MAP3K4: variants seen among roughly 807,000 people sequenced by gnomAD.
The protein encoded by MAP3K4 is mitogen-activated protein kinase kinase kinase 4, also known as MAP three kinase 1.
MAP3K4 carries 67 observed loss-of-function variants against 185.6 expected under a neutral mutation model. The ratio of observed to expected loss-of-function variants is 0.36; its 90% CI spans 0.30 to 0.44. MAP3K4 has a LOEUF of 0.44. MAP3K4 is among the 20% of genes least tolerant of loss of function. MAP3K4 has a pLI of 1.00. For missense variants in MAP3K4, 1,551 were observed against 1,995.1 expected (o/e 0.78, Z 4.24); for synonymous variants, 702 against 710.4 (o/e 0.99, Z 0.19).
At chr6:161,027,744 A>G (rs1782741401) in intron 1 of MAP3K4, among the ~76,000 whole-genome samples, 1 of 152,262 alleles carries the variant, frequency 6.6e-6, no homozygotes, top group South Asian at 2.1e-4. Flanking sequence ...TGGCAGTTAC[A>G]TATTACAGTT....
At position 161,084,589 on chromosome 6, in the gene MAP3K4, G is replaced by A; in HGVS notation, c.2344G>A (p.Asp782Asn). ...ESCAEFWTSA[D>N]DSSASDEIRR... ...CTGTGCTGAATTTTGGACTAGTGCG[G>A]ATGACAGCAGTGCTTCCGACGAAAT... The change falls in exon 7 of 27, where the codon GAT becomes AAT. Residue 782 changes from aspartate to asparagine, a missense_variant. By Grantham distance (23) the Asp-to-Asn change is conservative. Around this residue, in one of 16 missense-constraint regions of MAP3K4, gnomAD observed 130 missense variants for 171.3 expected, o/e 0.76. Transcript: ENST00000392142. This position sits in a 1 kb window ranked among gnomAD's most constrained non-coding sequence, Gnocchi z 4.6. The A allele has an allele frequency of 1.2e-6, 2 of 1,610,004 alleles. No individual in the cohort carries two copies. The highest frequency in any genetic ancestry group is 1.7e-6 in the Non-Finnish European group (2 of 1,176,280).
In MAP3K4 at chr6:161,108,882, C is replaced by G. The variant is rs542479350; in HGVS notation, c.4236+23C>G. On this transcript the variant is annotated intron_variant, in intron 22 of 26. Coordinates refer to ENST00000392142, the MANE Select transcript of MAP3K4 (RefSeq NM_005922.4). This position sits in a 1 kb window ranked among gnomAD's most constrained non-coding sequence, Gnocchi z 5.7. ...AGAGTAAGCCGACCCTAATGCCACT[C>G]TTTGTGTGAGGAATCAGTGAGGGCA... 2.5e-6 allele frequency: 4 copies of G among 1,599,962 alleles called. No individual in the cohort carries two copies. The highest frequency in any genetic ancestry group is 8.6e-7 in the Non-Finnish European group (1 of 1,167,214).
At chr6:161,099,269 A>G (rs773479854) in intron 17 of MAP3K4, among the ~76,000 whole-genome samples, 1 of 152,244 alleles carries the variant, frequency 6.6e-6, no homozygotes, top group Non-Finnish European at 1.5e-5. Context: ...AGGAGAAAAT[A>G]GTAGAGTTAA....
rs772221201 is a variant in MAP3K4, at chr6:161,114,409, T to C, written c.4627-714T>C. Among the ~76,000 whole-genome samples the C allele has an allele frequency of 3.2e-4, 48 of 152,366 alleles. No individual in the cohort carries two copies. The highest frequency in any genetic ancestry group is 3.4e-3 in the Middle Eastern group (1 of 294). On this transcript the variant is annotated intron_variant, in intron 25 of 26. Transcript: ENST00000392142. The surrounding 1 kb of genome is among the most constrained non-coding windows in gnomAD (Gnocchi z 4.3). The stretch of plus-strand genomic sequence containing the variant: ...CTAGTAGGAAATCAGTTAATTATAA[T>C]GTAGCTATGCCTTGCAGCTGCTGAA...
chr6:161,098,539 G>A lies in MAP3K4; in HGVS notation c.3674+112G>A, dbSNP rs535548930. On this transcript the variant is annotated intron_variant, in intron 17 of 26. Coordinates refer to ENST00000392142, the MANE Select transcript of MAP3K4 (RefSeq NM_005922.4). This position sits in a 1 kb window ranked among gnomAD's most constrained non-coding sequence, Gnocchi z 4.4. The stretch of plus-strand genomic sequence containing the variant: ...TGTGGTTGGGCTTCTTTGCTGTGGC[G>A]TGTGAGTGATGCTCTAGGGCCTTCC... 52 of 1,322,060 alleles carry A rather than the reference G, an allele frequency of 3.9e-5. No homozygotes were observed. Among genetic ancestry groups the A allele is most frequent in the East Asian group, 7.4e-5 (3 of 40,590 alleles). The allele number at this position is 1,322,060 out of a possible 1,614,324, so 81.9% of individuals were successfully genotyped here.
Position 161,106,502 on chromosome 6 carries a change from T to G in MAP3K4, c.3857-12T>G, listed in dbSNP as rs113336909. 2.5e-6 allele frequency: 4 copies of G among 1,588,566 alleles called. No homozygotes were observed. The highest frequency in any genetic ancestry group is 3.4e-6 in the Non-Finnish European group (4 of 1,169,008). On this transcript the variant is annotated splice_polypyrimidine_tract_variant and intron_variant, in intron 19 of 26. Coordinates refer to ENST00000392142, the MANE Select transcript of MAP3K4 (RefSeq NM_005922.4). The surrounding 1 kb of genome is among the most constrained non-coding windows in gnomAD (Gnocchi z 4.9). ...GTGATTGGGACTAATGAGGTTTTGG[T>G]TCTCTCTGCAGATACTGCTTCTAAA...
chr6:160,998,908 C>T (rs1781137736), intron 1 of MAP3K4, among the ~76,000 whole-genome samples: 1 of 152,224 alleles, frequency 6.6e-6, no homozygotes, highest in Admixed American at 6.5e-5. Context: ...TATTTATTCA[C>T]TAGCAGGCAA....
rs1252753030 is a variant in MAP3K4 at position 161,048,856 on chromosome 6, A to G, written c.584A>G (p.Asn195Ser). The change falls in exon 3 of 27, where the codon AAT (asparagine) becomes AGT (serine). Residue 195 changes from asparagine (N) to serine (S), a missense_variant. Physicochemically the swap from Asn to Ser is conservative, Grantham distance 46. Coordinates refer to ENST00000392142, the MANE Select transcript of MAP3K4 (RefSeq NM_005922.4). The surrounding 1 kb of genome is among the most constrained non-coding windows in gnomAD (Gnocchi z 4.7). Reference protein sequence around the residue: ...NKPYLSLGCSNAKLPVSVPMP... With the variant: ...NKPYLSLGCSSAKLPVSVPMP... ...CCTTACCTCAGCCTTGGCTGTAGCA[A>G]TGCTAAGCTTCCAGTATCTGTGCCC... 4 of 1,614,082 alleles carry G rather than the reference A, an allele frequency of 2.5e-6. No homozygotes were observed. Among genetic ancestry groups the G allele is most frequent in the East Asian group, 2.2e-5 (1 of 44,896 alleles).
Position 161,101,986 on chromosome 6 carries a change from C to G in MAP3K4, c.3769C>G (p.Arg1257Gly). Residue 1257 changes from arginine (R) to glycine (G), a missense_variant, in exon 18 of 27, where the codon CGA becomes GGA. Transcript: ENST00000392142. This position sits in a 1 kb window ranked among gnomAD's most constrained non-coding sequence, Gnocchi z 5.1. ...LSRHSSPTEE[R>G]DEPAYPRGDS... is the part of the protein sequence containing the mutation. ...TCGTCACTCAAGCCCCACGGAGGAG[C>G]GAGATGGTGAGTGTTTTAAGGTGTT... 6.2e-7 allele frequency: 1 copy of G among 1,613,216 alleles called. No individual in the cohort carries two copies. The highest frequency in any genetic ancestry group is 8.5e-7 in the Non-Finnish European group (1 of 1,179,230).
chr6:161,108,655 TGGG>T lies in MAP3K4; in HGVS notation c.4120-86_4120-84del. On this transcript the variant is annotated intron_variant, in intron 21 of 26. Coordinates refer to ENST00000392142, the MANE Select transcript of MAP3K4 (RefSeq NM_005922.4). This position sits in a 1 kb window ranked among gnomAD's most constrained non-coding sequence, Gnocchi z 5.7. The stretch of plus-strand genomic sequence containing the variant: ...GACAAATCATGATTACATATATTTA[TGGG>T]GTGCAAAATGATGTTTCAGTGTATG... 2.6e-6 allele frequency: 2 copies of T among 771,462 alleles called. No individual in the cohort carries two copies. Among genetic ancestry groups the T allele is most frequent in the Admixed American group, 2.0e-5 (1 of 49,750 alleles). 47.8% of individuals were successfully genotyped at this position (771,462 alleles called of 1,614,324 possible).
chr6:161,058,375 T>TA, intron 3 of MAP3K4, among the ~76,000 whole-genome samples: 1 of 152,286 alleles, frequency 6.6e-6, no homozygotes, highest in African/African-American at 2.4e-5. Context: ...TCATTTGTCT[T>TA]ATGGCCACCC....
In MAP3K4 at chr6:161,097,156, C is replaced by A. The variant is rs1777609245; in HGVS notation, c.3504C>A (p.Ile1168=). ...HSDPPNPHLI[I]PTPEGFSTRS... Reference sequence around the variant, plus strand: ...ACCCTCCTAACCCACACCTCATTATCCCCACTCCAGAGGGATTCAGGTATT... The same window carrying A: ...ACCCTCCTAACCCACACCTCATTATACCCACTCCAGAGGGATTCAGGTATT... The change falls in exon 16 of 27, where the codon ATC becomes ATA. Residue 1168 remains isoleucine, a synonymous_variant. Transcript: ENST00000392142. The surrounding 1 kb of genome is among the most constrained non-coding windows in gnomAD (Gnocchi z 4.9). 1 of 1,613,988 alleles carries A rather than the reference C, an allele frequency of 6.2e-7. No homozygotes were observed. The highest frequency in any genetic ancestry group is 8.5e-7 in the Non-Finnish European group (1 of 1,179,980).
intron 1 of MAP3K4, among the ~76,000 whole-genome samples, chr6:161,011,753 G>A (rs1237609497): frequency 6.6e-6 from 1 of 152,172 alleles, no homozygotes; most frequent in Non-Finnish European, 1.5e-5. Context: ...AGGGAGAGCA[G>A]TTAGCCAGAC....
Position 161,049,628 on chromosome 6 carries a change from G to A in MAP3K4, c.1356G>A (p.Lys452=). The change falls in exon 3 of 27, where the codon AAG becomes AAA. Residue 452 remains lysine, a synonymous_variant. Coordinates refer to ENST00000392142, the MANE Select transcript of MAP3K4 (RefSeq NM_005922.4). The surrounding 1 kb of genome is among the most constrained non-coding windows in gnomAD (Gnocchi z 8.4). ...YEGDDTEGEL[K]ELESSTDESE... is the part of the protein sequence containing the mutation. ...GTGATGACACAGAAGGAGAATTAAA[G>A]GAGTTGGAAAGTAGTACGGATGAGA... 9 of 1,614,184 alleles carry A rather than the reference G, an allele frequency of 5.6e-6. No homozygotes were observed. The highest frequency in any genetic ancestry group is 7.6e-6 in the Non-Finnish European group (9 of 1,180,036).
At chr6:161,029,128 A>C (rs1219466130) in intron 1 of MAP3K4, among the ~76,000 whole-genome samples, 1 of 152,120 alleles carries the variant, frequency 6.6e-6, no homozygotes, top group Admixed American at 6.5e-5. Flanking sequence ...CTAATAGAGA[A>C]TAGGTGGAGG....
At chr6:161,069,944 G>A (rs1462506945) in intron 3 of MAP3K4, among the ~76,000 whole-genome samples, 1 of 152,098 alleles carries the variant, frequency 6.6e-6, no homozygotes, top group Non-Finnish European at 1.5e-5. Context: ...TATGGGGAAA[G>A]GTGTAAGGAA....
chr6:161,099,248 G>C (rs896248706), intron 17 of MAP3K4, among the ~76,000 whole-genome samples: 2 of 152,200 alleles, frequency 1.3e-5, no homozygotes, highest in African/African-American at 4.8e-5. Context: ...AGGGCTCTGT[G>C]TTCAGCCCCG....
In MAP3K4 at chr6:161,084,908, A is replaced by G. The variant is rs1448716610; in HGVS notation, c.2372+291A>G. On this transcript the variant is annotated intron_variant, in intron 7 of 26. Coordinates refer to ENST00000392142, the MANE Select transcript of MAP3K4 (RefSeq NM_005922.4). This position sits in a 1 kb window ranked among gnomAD's most constrained non-coding sequence, Gnocchi z 4.6. The stretch of plus-strand genomic sequence containing the variant: ...ACGCCTGTAATCCCAGTACTTTGGG[A>G]GGCCGAGGTGGGTGAATCACCAGGT... Among the ~76,000 whole-genome samples, 1 of 152,180 alleles carries G rather than the reference A, an allele frequency of 6.6e-6. No homozygotes were observed. The highest frequency in any genetic ancestry group is 1.5e-5 in the Non-Finnish European group (1 of 68,022).
chr6:161,095,306 G>C (rs1313977129), intron 15 of MAP3K4, among the ~76,000 whole-genome samples: 2 of 152,160 alleles, frequency 1.3e-5, no homozygotes, highest in African/African-American at 4.8e-5. Flanking sequence ...GGATGCTAAT[G>C]AGGATTAAAT....
Sources: allele counts gnomAD v4.1 joint callset (sites outside exome capture counted in the v4.1 genomes callset), GRCh38; gene constraint gnomAD v4.1.1; regional missense constraint gnomAD v4.1.1; non-coding constraint Gnocchi (gnomAD v3.1); transcripts MANE v1.5; gene names NCBI Gene and HGNC (gene_info 2026-07-23, HGNC 2026-07-21).